Variants in SMC1B observed in about 807,000 individuals in gnomAD.
The protein encoded by SMC1B is structural maintenance of chromosomes 1B.
Under a neutral mutation model 157.9 loss-of-function variants are expected in SMC1B, and 60 were observed. That is an observed-to-expected ratio of 0.38 (90% CI 0.31 to 0.47). The LOEUF is 0.47. Ranked by LOEUF, SMC1B falls within the 20% of genes least tolerant of loss-of-function variation. SMC1B has a pLI of 0.99. For synonymous variants in SMC1B, 445 were observed against 483.0 expected (o/e 0.92, Z 1.03); for missense variants, 1,165 against 1,426.2 (o/e 0.82, Z 2.95).
intron 16 of SMC1B, among the ~76,000 whole-genome samples, chr22:45,362,500 T>C (rs1227744371): frequency 6.6e-6 from 1 of 152,186 alleles, no homozygotes; most frequent in African/African-American, 2.4e-5. Flanking sequence ...TTTACTCCCA[T>C]AAACCAGCAA....
chr22:45,406,058 A>G (rs2146853112), intron 4 of SMC1B, among the ~76,000 whole-genome samples: 1 of 152,340 alleles, frequency 6.6e-6, no homozygotes, highest in Admixed American at 6.5e-5. Context: ...GATCATTAAA[A>G]TATTTTTTAA....
Position 45,344,673 on chromosome 22 carries a change from G to C in SMC1B, c.3607-16C>G. Reference sequence around the variant, plus strand: ...AGTCATCGTACTAAAATGGAGAGAAGACAGTTAAAAGTTCCCCTAATTAGG... The same window carrying C: ...AGTCATCGTACTAAAATGGAGAGAACACAGTTAAAAGTTCCCCTAATTAGG... On this transcript the variant is annotated splice_polypyrimidine_tract_variant and intron_variant, in intron 24 of 24. Transcript: ENST00000357450. 1.3e-6 allele frequency: 2 copies of C among 1,591,160 alleles called. No homozygotes were observed. The highest frequency in any genetic ancestry group is 4.5e-5 in the East Asian group (2 of 44,752).
At chr22:45,352,321 T>C (rs1429813219) in intron 22 of SMC1B, 130 bp downstream of exon 22, 1 of 774,392 alleles carries the variant, frequency 1.3e-6, no homozygotes, top group African/African-American at 1.7e-5. Context: ...CTGAATTGTC[T>C]GGCTGAAGAA....
At chr22:45,353,893 CAAAAAAAAAAAAAAA>C (rs3833396) in intron 21 of SMC1B, 70 bp downstream of exon 21, 16 of 247,502 alleles carry the variant, frequency 6.5e-5, no homozygotes, top group East Asian at 3.6e-4. Context: ...TATTTCCCAC[CAAAAAAAAAAAAAAA>C]AAAAAAAAAA....
Position 45,372,310 on chromosome 22 carries a change from C to T in SMC1B, c.2059-18G>A. 1.9e-6 allele frequency: 3 copies of T among 1,562,578 alleles called. No individual in the cohort carries two copies. The highest frequency in any genetic ancestry group is 1.7e-6 in the Non-Finnish European group (2 of 1,160,074). ...ATTAAACCCTAAAAGGAAAGAAAAA[C>T]ATGAGAATATTTTATGATAGAAAAG... On this transcript the variant is annotated intron_variant, in intron 12 of 24. Coordinates refer to ENST00000357450, the MANE Select transcript of SMC1B (RefSeq NM_148674.5).
At chr22:45,355,191 G>T in intron 19 of SMC1B, 76 bp from the exon 20 acceptor site, 1 of 1,458,180 alleles carries the variant, frequency 6.9e-7, no homozygotes. Flanking sequence ...CGTGTGTGGG[G>T]CACTTCACCA....
At chr22:45,383,747 C>G (rs974496899) in intron 11 of SMC1B, 134 bp from the exon 12 acceptor site, 1 of 704,524 alleles carries the variant, frequency 1.4e-6, no homozygotes, top group Admixed American at 3.8e-5. Flanking sequence ...AATAAAATAT[C>G]TAGTTTATGA....
chr22:45,344,453 C>A lies in SMC1B; in HGVS notation c.*103G>T. 1 of 767,622 alleles carries A rather than the reference C, an allele frequency of 1.3e-6. No homozygotes were observed. The allele number at this position is 767,622 out of a possible 1,614,324, so 47.6% of individuals were successfully genotyped here. On this transcript the variant is annotated 3_prime_UTR_variant, in exon 25 of 25. Coordinates refer to ENST00000357450, the MANE Select transcript of SMC1B (RefSeq NM_148674.5). ...CGACTAAGGTTTCTCTTAAAGGGTGCACCAGGCTGGTCCTGCTTGCTCCAG... is the reference window on the plus strand; with the variant it reads ...CGACTAAGGTTTCTCTTAAAGGGTGAACCAGGCTGGTCCTGCTTGCTCCAG...
At chr22:45,352,096 T>C (rs1602046029) in intron 22 of SMC1B, among the ~76,000 whole-genome samples, 1 of 152,064 alleles carries the variant, frequency 6.6e-6, no homozygotes, top group East Asian at 1.9e-4. Flanking sequence ...TAAAAATCTG[T>C]CACTAACTAG....
chr22:45,409,519 T>C (rs181252097), intron 1 of SMC1B, among the ~76,000 whole-genome samples: 37 of 151,462 alleles, frequency 2.4e-4, no homozygotes, highest in Middle Eastern at 3.4e-3. Flanking sequence ...GAGCCGAGAT[T>C]GCACCACTGC....
intron 20 of SMC1B, among the ~76,000 whole-genome samples, 179 bp downstream of exon 20, chr22:45,354,780 C>G (rs1374451345): frequency 6.6e-6 from 1 of 151,726 alleles, no homozygotes; most frequent in Admixed American, 6.6e-5. Context: ...TAAATTAAAG[C>G]AAAACATTTC....
intron 6 of SMC1B, among the ~76,000 whole-genome samples, chr22:45,398,250 G>C (rs1274247312): frequency 6.6e-6 from 1 of 152,236 alleles, no homozygotes; most frequent in Non-Finnish European, 1.5e-5. Flanking sequence ...GCCCACTGTG[G>C]AAGTGGCTTG....
At chr22:45,399,956 T>G (rs1427976452) in intron 5 of SMC1B, among the ~76,000 whole-genome samples, 1 of 152,180 alleles carries the variant, frequency 6.6e-6, no homozygotes, top group Non-Finnish European at 1.5e-5. Flanking sequence ...TTCCCATTGT[T>G]GAAGTGGGAG....
intron 22 of SMC1B, among the ~76,000 whole-genome samples, chr22:45,350,427 G>A (rs975078642): frequency 2.0e-5 from 3 of 152,414 alleles, no homozygotes; most frequent in South Asian, 2.1e-4. Context: ...ACAGGCGTGC[G>A]CCACTATGCC....
chr22:45,350,251 G>C (rs5765261), intron 22 of SMC1B, among the ~76,000 whole-genome samples: 56,101 of 144,904 alleles, frequency 0.39, 13,085 homozygotes, highest in Non-Finnish European at 0.53. Flanking sequence ...TGTCTCCTGA[G>C]TTCTTTTTTT....
At chr22:45,358,621 C>A in intron 19 of SMC1B, 76 bp downstream of exon 19, 1 of 894,228 alleles carries the variant, frequency 1.1e-6, no homozygotes, top group South Asian at 1.8e-5. Flanking sequence ...TTAATTCTAT[C>A]ATCCAAAAAT....
rs530200623 is a variant in SMC1B at position 45,362,087 on chromosome 22, C to T, written c.2563-103G>A. The T allele has an allele frequency of 8.0e-5, 95 of 1,192,940 alleles. No individual in the cohort carries two copies. In the East Asian group the frequency reaches 2.3e-3, roughly 28 times the overall value. The allele number at this position is 1,192,940 out of a possible 1,614,324, so 73.9% of individuals were successfully genotyped here. ...CCAAACCAGTTATCCCGAGATGAAC[C>T]TTCTCACCCTATGTGCTACCTGACC... On this transcript the variant is annotated intron_variant, in intron 16 of 24. Coordinates refer to ENST00000357450, the MANE Select transcript of SMC1B (RefSeq NM_148674.5).
At chr22:45,383,049 C>T (rs1453639099) in intron 12 of SMC1B, among the ~76,000 whole-genome samples, 1 of 152,028 alleles carries the variant, frequency 6.6e-6, no homozygotes, top group Non-Finnish European at 1.5e-5. Flanking sequence ...AGGAGAATCA[C>T]TTGAACCCAG....
chr22:45,371,693 A>T (rs1055867213), intron 13 of SMC1B, 106 bp from the exon 14 acceptor site: 22 of 1,313,906 alleles, frequency 1.7e-5, no homozygotes, highest in Admixed American at 2.7e-5. Flanking sequence ...AATCTATGAG[A>T]TAAGATGAAT....
Sources: gnomAD v4.1 joint callset for allele counts (sites outside exome capture counted in the v4.1 genomes callset) on GRCh38, gnomAD v4.1.1 for gene constraint, MANE v1.5 for transcripts, NCBI Gene and HGNC (gene_info 2026-07-23, HGNC 2026-07-21) for gene names.